The following TTLL5 variants were observed in gnomAD, a reference collection of about 807,000 sequenced individuals.
TTLL5 encodes the protein tubulin polyglutamylase TTLL5.
Under a neutral mutation model 168.4 loss-of-function variants are expected in TTLL5, and 132 were observed. That is an observed-to-expected ratio of 0.78 (90% CI 0.68 to 0.91). TTLL5 has a LOEUF of 0.91. Ranked by LOEUF, TTLL5 falls within the 40% of genes least tolerant of loss-of-function variation. The probability of loss-of-function intolerance (pLI) is 0.00; values close to 1 mark genes in which losing one functional copy is unlikely to be tolerated. For missense variants in TTLL5, 1,545 were observed against 1,581.5 expected (o/e 0.98, Z 0.39); for synonymous variants, 546 against 558.6 (o/e 0.98, Z 0.32).
At chr14:75,785,950 T>C (rs949461340) in intron 26 of TTLL5, among the ~76,000 whole-genome samples, 1 of 152,176 alleles carries the variant, frequency 6.6e-6, no homozygotes, top group African/African-American at 2.4e-5. Flanking sequence ...GTGGATCAGT[T>C]TGGGGACTAT....
chr14:75,950,103 A>G (rs1321750270), intron 31 of TTLL5, among the ~76,000 whole-genome samples: 1 of 152,222 alleles, frequency 6.6e-6, no homozygotes, highest in Non-Finnish European at 1.5e-5. Context: ...GACACAAAAT[A>G]GAGAAACCTA....
intron 31 of TTLL5, among the ~76,000 whole-genome samples, chr14:75,925,189 AC>A (rs1234976648): frequency 9.6e-6 from 1 of 104,612 alleles, no homozygotes; most frequent in Non-Finnish European, 1.9e-5. Flanking sequence ...GCGGGGGCTG[AC>A]CCCCCCACCT....
chr14:75,874,076 C>CTTTATTTATTTATTTA (rs143951017), intron 29 of TTLL5, among the ~76,000 whole-genome samples: 82 of 149,972 alleles, frequency 5.5e-4, no homozygotes, highest in Non-Finnish European at 7.6e-4. Context: ...AATGGTTATT[C>CTTTATTTATTTATTTA]TTTATTTATT....
At chr14:75,876,882 T>C (rs2031520052) in intron 29 of TTLL5, among the ~76,000 whole-genome samples, 1 of 152,218 alleles carries the variant, frequency 6.6e-6, no homozygotes. Context: ...TCTGGATGTG[T>C]TCTTTGCTCT....
intron 29 of TTLL5, among the ~76,000 whole-genome samples, chr14:75,872,658 C>T (rs1406791373): frequency 5.3e-5 from 8 of 151,984 alleles, no homozygotes; most frequent in African/African-American, 1.9e-4. Context: ...ACCCATAATC[C>T]CAGCACTATG....
chr14:75,755,276 AAT>A (rs1566589588), intron 18 of TTLL5, among the ~76,000 whole-genome samples: 1 of 139,680 alleles, frequency 7.2e-6, no homozygotes, highest in Admixed American at 7.1e-5. Flanking sequence ...CAAAAATAAT[AAT>A]AATAATAATA....
At chr14:75,940,077 C>CTT (rs5809741) in intron 31 of TTLL5, among the ~76,000 whole-genome samples, 37 of 78,810 alleles carry the variant, frequency 4.7e-4, no homozygotes, top group Non-Finnish European at 6.2e-4. Context: ...GAAATTAAAT[C>CTT]TTTTTTTTTT....
At chr14:75,824,912 T>C (rs1404632277) in intron 28 of TTLL5, among the ~76,000 whole-genome samples, 1 of 152,184 alleles carries the variant, frequency 6.6e-6, no homozygotes, top group Non-Finnish European at 1.5e-5. Context: ...GTTACCTTTA[T>C]AGGAAATGGG....
intron 9 of TTLL5, among the ~76,000 whole-genome samples, chr14:75,713,125 A>G (rs1423583980): frequency 2.6e-5 from 4 of 152,212 alleles, no homozygotes; most frequent in Non-Finnish European, 4.4e-5. Context: ...CTACATTAGG[A>G]TAAGTGTGGT....
At chr14:75,825,854 C>T (rs978348429) in intron 28 of TTLL5, among the ~76,000 whole-genome samples, 4 of 152,056 alleles carry the variant, frequency 2.6e-5, no homozygotes, top group African/African-American at 4.8e-5. Flanking sequence ...GTACTTCCAT[C>T]TGAATTTTCT....
At chr14:75,742,092 A>G (rs1889309767) in intron 15 of TTLL5, among the ~76,000 whole-genome samples, 1 of 152,174 alleles carries the variant, frequency 6.6e-6, no homozygotes, top group African/African-American at 2.4e-5. Context: ...GCATTCCTTA[A>G]TCTGTTTAAT....
chr14:75,739,731 A>G (rs910361590), intron 15 of TTLL5, among the ~76,000 whole-genome samples: 2 of 152,218 alleles, frequency 1.3e-5, no homozygotes, highest in African/African-American at 4.8e-5. Flanking sequence ...CACATCTGTC[A>G]TATGGGGATA....
At chr14:75,746,216 A>G (rs539004387) in intron 17 of TTLL5, among the ~76,000 whole-genome samples, 1 of 152,290 alleles carries the variant, frequency 6.6e-6, no homozygotes, top group African/African-American at 2.4e-5. Flanking sequence ...TGTTTTTCAT[A>G]TTCATATGTG....
At chr14:75,730,534 A>C (rs1197187409) in intron 12 of TTLL5, among the ~76,000 whole-genome samples, 1 of 152,192 alleles carries the variant, frequency 6.6e-6, no homozygotes. Context: ...TCATTCATGG[A>C]AAATTTTCCC....
intron 6 of TTLL5, among the ~76,000 whole-genome samples, chr14:75,693,846 GA>G (rs1885632799): frequency 6.6e-6 from 1 of 152,188 alleles, no homozygotes; most frequent in Non-Finnish European, 1.5e-5. Flanking sequence ...AATTACAGAT[GA>G]CTAGATTTCA....
intron 31 of TTLL5, among the ~76,000 whole-genome samples, chr14:75,927,319 A>G (rs2034107212): frequency 6.6e-6 from 1 of 152,216 alleles, no homozygotes. Flanking sequence ...CTATTGTGCT[A>G]TCAAATAGTA....
rs8013271 is a variant in TTLL5, at chr14:75,943,636, A to G, written c.3824-10788A>G. On this transcript the variant is annotated intron_variant, in intron 31 of 31. Transcript: ENST00000298832. ...GAATCCTCCTCCAACCCAAACCTCA[A>G]ATAATTCCCACAGGTAAAGTTTTGT... is the stretch of plus-strand genomic sequence containing the variant. Among the ~76,000 whole-genome samples, 1,046 of 152,340 alleles carry G rather than the reference A, an allele frequency of 6.9e-3. 7 individuals carry two copies. Among genetic ancestry groups the G allele is most frequent in the Non-Finnish European group, 0.011 (751 of 68,026 alleles).
At chr14:75,681,044 C>A (rs1197244198) in intron 3 of TTLL5, among the ~76,000 whole-genome samples, 3 of 151,968 alleles carry the variant, frequency 2.0e-5, no homozygotes, top group Non-Finnish European at 2.9e-5. Context: ...TACGTAATTA[C>A]AAAGGAAATA....
intron 27 of TTLL5, among the ~76,000 whole-genome samples, chr14:75,806,554 C>G (rs1893667359): frequency 6.6e-6 from 1 of 152,190 alleles, no homozygotes; most frequent in South Asian, 2.1e-4. Context: ...ATGCCTTATG[C>G]TATCTTCTCA....
Sources: allele counts gnomAD v4.1 joint callset (sites outside exome capture counted in the v4.1 genomes callset), GRCh38; gene constraint gnomAD v4.1.1; transcripts MANE v1.5; gene names NCBI Gene and HGNC (gene_info 2026-07-23, HGNC 2026-07-21).